COL14A1: variants seen among roughly 807,000 people sequenced by gnomAD.
The protein encoded by COL14A1 is collagen alpha-1(XIV) chain.
COL14A1 carries 136 observed loss-of-function variants against 230.3 expected under a neutral mutation model. The observed-to-expected ratio is 0.59, with a 90% CI of 0.51 to 0.68. The LOEUF is 0.68. COL14A1 is among the 30% of genes least tolerant of loss of function. The pLI, the probability that COL14A1 is intolerant of heterozygous loss-of-function variation, is 0.00. For missense variants in COL14A1, 1,976 were observed against 2,215.8 expected, an observed-to-expected ratio of 0.89 and a Z score of 2.17; for synonymous variants, 792 against 784.1, an observed-to-expected ratio of 1.01 and a Z score of -0.17.
intron 15 of COL14A1, among the ~76,000 whole-genome samples, chr8:120,226,006 T>G (rs1002138793): frequency 6.6e-6 from 1 of 151,790 alleles, no homozygotes; most frequent in Non-Finnish European, 1.5e-5. Flanking sequence ...TTTTTTTTTG[T>G]TTTTAAACTC....
At chr8:120,310,114 T>C (rs760314481) in intron 37 of COL14A1, 52 bp downstream of exon 37, 1 of 1,544,962 alleles carries the variant, frequency 6.5e-7, no homozygotes, top group Non-Finnish European at 8.9e-7. Flanking sequence ...CTCTCTCTCA[T>C]AAATAGCCAT....
rs1586889006 is a variant in COL14A1 at position 120,350,246 on chromosome 8, T to A, written c.5077+4683T>A. Among the ~76,000 whole-genome samples the A allele has an allele frequency of 2.0e-5, 3 of 151,744 alleles. No homozygotes were observed. In the East Asian group the frequency reaches 5.8e-4, roughly 29 times the overall value. On this transcript the variant is annotated intron_variant, in intron 45 of 47. Coordinates refer to ENST00000297848, the MANE Select transcript of COL14A1 (RefSeq NM_021110.4). Reference sequence around the variant, plus strand: ...GAGCTCCTGAAGGAAGCAATAAACATGGAAAGGAACAACCGGTACCAGCCG... The same window carrying A: ...GAGCTCCTGAAGGAAGCAATAAACAAGGAAAGGAACAACCGGTACCAGCCG...
intron 29 of COL14A1, 77 bp downstream of exon 29, chr8:120,280,176 G>T (rs776919193): frequency 2.2e-5 from 32 of 1,483,570 alleles, no homozygotes; most frequent in Admixed American, 3.5e-5. Flanking sequence ...TAGTGAGTCC[G>T]ATCTAGATCT....
intron 40 of COL14A1, among the ~76,000 whole-genome samples, chr8:120,331,045 C>T (rs1014357146): frequency 7.0e-6 from 1 of 143,050 alleles, no homozygotes; most frequent in Non-Finnish European, 1.5e-5. Context: ...GGGGAAGTTG[C>T]GATGAGCCAA....
chr8:120,199,288 T>A (rs1184742015), intron 7 of COL14A1, 114 bp from the exon 8 acceptor site: 2 of 883,602 alleles, frequency 2.3e-6, no homozygotes, highest in East Asian at 3.2e-5. Context: ...AAGATTTGCA[T>A]GTAATAAAAA....
chr8:120,192,836 A>G (rs1309694231), intron 5 of COL14A1, among the ~76,000 whole-genome samples: 3 of 151,986 alleles, frequency 2.0e-5, no homozygotes, highest in Non-Finnish European at 4.4e-5. Context: ...AGTTGATCGC[A>G]TTGGCTCCTG....
chr8:120,149,983 C>T (rs533097969), intron 2 of COL14A1, among the ~76,000 whole-genome samples: 19 of 152,160 alleles, frequency 1.2e-4, no homozygotes, highest in Admixed American at 3.9e-4. Flanking sequence ...TGTGAACCAT[C>T]GTGCCCAGCC....
chr8:120,283,926 G>C (rs7839121), intron 32 of COL14A1, 148 bp downstream of exon 32: 1 of 553,754 alleles, frequency 1.8e-6, no homozygotes, highest in Non-Finnish European at 2.9e-6. Context: ...ATAGCAGTTG[G>C]TTTATCCATT....
intron 5 of COL14A1, among the ~76,000 whole-genome samples, chr8:120,184,845 C>T (rs1285974222): frequency 2.0e-5 from 3 of 152,158 alleles, no homozygotes; most frequent in African/African-American, 7.2e-5. Context: ...CTTCAGTCTG[C>T]AATCCCTTAG....
chr8:120,280,011 A>G lies in COL14A1; in HGVS notation c.3558A>G (p.Ala1186=). The stretch of plus-strand genomic sequence containing the variant: ...TTAGCATTGGCAGTAAGCCCAGCGC[A>G]CGCCATGTCTTCTTTGTGGATGACT... ...ELVSIGSKPS[A]RHVFFVDDFD... Residue 1186 remains alanine, a synonymous_variant, in exon 29 of 48, where the codon GCA becomes GCG. Coordinates refer to ENST00000297848, the MANE Select transcript of COL14A1 (RefSeq NM_021110.4). 6.2e-7 allele frequency: 1 copy of G among 1,613,908 alleles called. No homozygotes were observed. The highest frequency in any genetic ancestry group is 1.1e-5 in the South Asian group (1 of 91,086).
chr8:120,151,175 C>A (rs1815266617), intron 2 of COL14A1, among the ~76,000 whole-genome samples: 1 of 152,010 alleles, frequency 6.6e-6, no homozygotes, highest in Admixed American at 6.5e-5. Flanking sequence ...CTTTGAGAAA[C>A]CTCATCTTAT....
At chr8:120,150,855 C>G (rs1391838961) in intron 2 of COL14A1, among the ~76,000 whole-genome samples, 1 of 151,990 alleles carries the variant, frequency 6.6e-6, no homozygotes, top group South Asian at 2.1e-4. Flanking sequence ...TTTAGGAATT[C>G]ACTTATAAGG....
chr8:120,145,334 T>C (rs1158620266), intron 1 of COL14A1, among the ~76,000 whole-genome samples: 1 of 152,186 alleles, frequency 6.6e-6, no homozygotes, highest in Non-Finnish European at 1.5e-5. Context: ...AACATGCATC[T>C]TGGGCTGTGT....
intron 8 of COL14A1, among the ~76,000 whole-genome samples, chr8:120,202,554 C>G (rs1345472806): frequency 6.6e-6 from 1 of 152,158 alleles, no homozygotes; most frequent in Non-Finnish European, 1.5e-5. Flanking sequence ...ACCCATAAAA[C>G]TTAACCTCAT....
chr8:120,339,669 A>G (rs1363133915), intron 42 of COL14A1, among the ~76,000 whole-genome samples: 1 of 152,066 alleles, frequency 6.6e-6, no homozygotes, highest in East Asian at 1.9e-4. Context: ...TTAAACACAC[A>G]CAAAATGGAA....
chr8:120,168,093 A>G (rs1815971005), intron 4 of COL14A1, 68 bp from the exon 5 acceptor site: 1 of 1,144,412 alleles, frequency 8.7e-7, no homozygotes, highest in Admixed American at 2.1e-5. Flanking sequence ...GGGTTTTAGT[A>G]AAACTCACTG....
chr8:120,166,903 TGTGTGTGTGTGTGTGTGTG>T lies in COL14A1; in HGVS notation c.350-1254_350-1236del, dbSNP rs1477414621. On this transcript the variant is annotated intron_variant, in intron 4 of 47. Coordinates refer to ENST00000297848, the MANE Select transcript of COL14A1 (RefSeq NM_021110.4). ...GTGTGTGTGTGTGTGTGTGTGTGTG[TGTGTGTGTGTGTGTGTGTG>T]GTGGTGATGATGGTGGTGGTGGGGG... 1.9e-3 allele frequency among the ~76,000 whole-genome samples: 282 copies of T among 149,966 alleles called. 1 individual carries two copies. Among genetic ancestry groups the T allele is most frequent in the African/African-American group, 6.8e-3 (276 of 40,370 alleles).
At chr8:120,280,158 T>G in intron 29 of COL14A1, 59 bp downstream of exon 29, 1 of 1,559,886 alleles carries the variant, frequency 6.4e-7, no homozygotes, top group South Asian at 1.1e-5. Context: ...TATTTGACAC[T>G]GGTTAAATAG....
At chr8:120,346,110 G>A (rs1010817011) in intron 45 of COL14A1, among the ~76,000 whole-genome samples, 1 of 152,218 alleles carries the variant, frequency 6.6e-6, no homozygotes, top group Non-Finnish European at 1.5e-5. Context: ...TTAAAATACT[G>A]TCTGCGGCTC....
Sources: allele counts gnomAD v4.1 joint callset (sites outside exome capture counted in the v4.1 genomes callset), GRCh38; gene constraint gnomAD v4.1.1; transcripts MANE v1.5; gene names NCBI Gene and HGNC (gene_info 2026-07-23, HGNC 2026-07-21).